Variants in ZNF675 observed in about 807,000 individuals in gnomAD.
The protein encoded by ZNF675 is zinc finger protein 675, also known as TRAF6 inhibitory zinc finger.
In ZNF675, 36 loss-of-function variants were observed where a neutral mutation model predicts 56.1. The ratio of observed to expected loss-of-function variants is 0.64; its 90% CI spans 0.49 to 0.85. ZNF675 has a LOEUF of 0.85. Among genes scored for constraint, ZNF675 ranks in the 40% least tolerant of loss-of-function variants. ZNF675 has a pLI of 0.00. For missense variants in ZNF675, 663 were observed against 654.2 expected (o/e 1.01, Z -0.15); for synonymous variants, 200 against 218.9 (o/e 0.91, Z 0.76).
intron 3 of ZNF675, among the ~76,000 whole-genome samples, chr19:23,658,902 T>C (rs199558142): frequency 9.0e-4 from 5 of 5,552 alleles, no homozygotes; most frequent in Non-Finnish European, 1.9e-3. Context: ...TCTATAGATA[T>C]CTATAGATAG....
intron 1 of ZNF675, among the ~76,000 whole-genome samples, chr19:23,673,878 C>A (rs1292183831): frequency 6.7e-6 from 1 of 150,046 alleles, no homozygotes; most frequent in Non-Finnish European, 1.5e-5. Context: ...TTTTATCCGG[C>A]CCCAGAGAAA....
chr19:23,660,582 G>GA (rs1968062776), intron 3 of ZNF675, among the ~76,000 whole-genome samples: 1 of 151,868 alleles, frequency 6.6e-6, no homozygotes, highest in South Asian at 2.1e-4. Context: ...ATAAAATAGA[G>GA]AAAAAAACTT....
At chr19:23,677,857 C>T (rs1309707167) in intron 1 of ZNF675, among the ~76,000 whole-genome samples, 3 of 151,654 alleles carry the variant, frequency 2.0e-5, no homozygotes, top group Non-Finnish European at 2.9e-5. Flanking sequence ...CAGTGGCTCA[C>T]GCCTGTAATC....
In ZNF675 at chr19:23,654,568, C is replaced by T; in HGVS notation, c.365G>A (p.Cys122Tyr). The T allele has an allele frequency of 6.2e-7, 1 of 1,612,336 alleles. No individual in the cohort carries two copies. Among genetic ancestry groups the T allele is most frequent in the Admixed American group, 1.7e-5 (1 of 59,714 alleles). ...QLKGCKSVDE[C>Y]KLHKGGYNGL... Reference sequence around the variant, plus strand: ...ATTATAACCTCCCTTGTGCAACTTACATTCATCCACACTTTTACAGCCTTT... The same window carrying T: ...ATTATAACCTCCCTTGTGCAACTTATATTCATCCACACTTTTACAGCCTTT... The change falls in exon 4 of 4, where the codon TGT (cysteine) becomes TAT (tyrosine). Residue 122 changes from cysteine to tyrosine, a missense_variant. Cys to Tyr is a radical substitution (Grantham distance 194). Transcript: ENST00000359788.
intron 1 of ZNF675, among the ~76,000 whole-genome samples, chr19:23,680,379 T>C (rs1399133365): frequency 6.6e-6 from 1 of 151,780 alleles, no homozygotes; most frequent in East Asian, 1.9e-4. Flanking sequence ...AGATCATTTC[T>C]TTTGCAGCAA....
chr19:23,664,806 C>T (rs1236125409), intron 1 of ZNF675, among the ~76,000 whole-genome samples: 1 of 151,442 alleles, frequency 6.6e-6, no homozygotes, highest in Non-Finnish European at 1.5e-5. Context: ...CACAAATTAG[C>T]CAGGCATAAT....
In ZNF675 at chr19:23,653,900, A is replaced by C. The variant is rs1186785998; in HGVS notation, c.1033T>G (p.Cys345Gly). Reference sequence around the variant, plus strand: ...GAGGATCGGTTAAAAGCTTTTCCACATTCTTCACATTTGTAGGGTTTTTCT... The same window carrying C: ...GAGGATCGGTTAAAAGCTTTTCCACCTTCTTCACATTTGTAGGGTTTTTCT... ...TGEKPYKCEECGKAFNRSSKL... is the reference protein window; with the variant it reads ...TGEKPYKCEEGGKAFNRSSKL... Residue 345 changes from cysteine (C) to glycine (G), a missense_variant, in exon 4 of 4, where the codon TGT (cysteine) becomes GGT (glycine). Coordinates refer to ENST00000359788, the MANE Select transcript of ZNF675 (RefSeq NM_138330.3). 6 of 1,613,408 alleles carry C rather than the reference A, an allele frequency of 3.7e-6. No homozygotes were observed. The highest frequency in any genetic ancestry group is 1.7e-4 in the Middle Eastern group (1 of 6,056).
chr19:23,673,667 A>G (rs1968254087), intron 1 of ZNF675, among the ~76,000 whole-genome samples: 1 of 151,994 alleles, frequency 6.6e-6, no homozygotes, highest in Non-Finnish European at 1.5e-5. Context: ...TTAAAATAAA[A>G]ATTTTCTGGT....
Position 23,657,371 on chromosome 19 carries a change from G to A in ZNF675, c.227-2665C>T, listed in dbSNP as rs55976437. On this transcript the variant is annotated intron_variant, in intron 3 of 3. Coordinates refer to ENST00000359788, the MANE Select transcript of ZNF675 (RefSeq NM_138330.3). ...TGAATTACCTTCAAATCACAAAAGTGTTTCTCTCACACAAAAGAAATATAT... is the reference window on the plus strand; with the variant it reads ...TGAATTACCTTCAAATCACAAAAGTATTTCTCTCACACAAAAGAAATATAT... Among the ~76,000 whole-genome samples, 579 of 152,292 alleles carry A rather than the reference G, an allele frequency of 3.8e-3. 2 individuals are homozygous for A. The highest frequency in any genetic ancestry group is 0.013 in the African/African-American group (553 of 41,558).
At chr19:23,676,592 T>C (rs1695354516) in intron 1 of ZNF675, among the ~76,000 whole-genome samples, 1 of 151,716 alleles carries the variant, frequency 6.6e-6, no homozygotes, top group Admixed American at 6.6e-5. Context: ...TAAACAGAAC[T>C]ACAGACAAAA....
intron 1 of ZNF675, among the ~76,000 whole-genome samples, chr19:23,678,384 G>A (rs903054100): frequency 2.0e-5 from 3 of 149,998 alleles, no homozygotes; most frequent in African/African-American, 2.5e-5. Context: ...CCAAGTAGCC[G>A]GATTACAGGC....
chr19:23,662,498 G>T (rs1968092437), intron 2 of ZNF675, among the ~76,000 whole-genome samples: 2 of 152,062 alleles, frequency 1.3e-5, no homozygotes, highest in Non-Finnish European at 2.9e-5. Context: ...TAGAGTGAAG[G>T]ACACAGATCA....
intron 3 of ZNF675, among the ~76,000 whole-genome samples, chr19:23,658,913 A>ATC (rs1185907480): frequency 6.9e-6 from 1 of 144,756 alleles, no homozygotes; most frequent in Non-Finnish European, 1.5e-5. Flanking sequence ...CTATAGATAG[A>ATC]TATAGATCTA....
rs145053520 is a variant in ZNF675 at position 23,684,510 on chromosome 19, G to A, written c.3+2521C>T. Among the ~76,000 whole-genome samples, 566 of 152,034 alleles carry A rather than the reference G, an allele frequency of 3.7e-3. 4 individuals are homozygous for A. The highest frequency in any genetic ancestry group is 0.013 in the African/African-American group (537 of 41,468). Reference sequence around the variant, plus strand: ...AAATACAAAATTAGCTGGGCATGGTGGTGCATGCCTGTAATCCCTGCTACT... The same window carrying A: ...AAATACAAAATTAGCTGGGCATGGTAGTGCATGCCTGTAATCCCTGCTACT... On this transcript the variant is annotated intron_variant, in intron 1 of 3. Transcript: ENST00000359788.
chr19:23,669,711 T>G (rs1040850238), intron 1 of ZNF675, among the ~76,000 whole-genome samples: 7 of 151,912 alleles, frequency 4.6e-5, no homozygotes, highest in Non-Finnish European at 1.0e-4. Context: ...AAATTAGTCT[T>G]GCATTGTGGC....
At position 23,663,161 on chromosome 19, in the gene ZNF675, G is replaced by A; in HGVS notation, c.4-3C>T. 6.2e-7 allele frequency: 1 copy of A among 1,604,048 alleles called. No individual in the cohort carries two copies. Among genetic ancestry groups the A allele is most frequent in the South Asian group, 1.1e-5 (1 of 90,010 alleles). Reference sequence around the variant, plus strand: ...ACATCCCTAAATGTCAACAGTCCCTGAAAAACACATACACACAAACATATT... The same window carrying A: ...ACATCCCTAAATGTCAACAGTCCCTAAAAAACACATACACACAAACATATT... On this transcript the variant is annotated splice_region_variant and splice_polypyrimidine_tract_variant and intron_variant, in intron 1 of 3. Transcript: ENST00000359788.
At chr19:23,680,501 G>A (rs1348445287) in intron 1 of ZNF675, among the ~76,000 whole-genome samples, 1 of 151,650 alleles carries the variant, frequency 6.6e-6, no homozygotes, top group Non-Finnish European at 1.5e-5. Context: ...GCTCAGGCCT[G>A]TAATCCCAGC....
At chr19:23,677,681 T>C (rs566035530) in intron 1 of ZNF675, among the ~76,000 whole-genome samples, 9 of 122,062 alleles carry the variant, frequency 7.4e-5, no homozygotes, top group Non-Finnish European at 1.1e-4. Context: ...CACTCCAGCC[T>C]GGGCAACAGA....
At chr19:23,667,731 C>A (rs1427775319) in intron 1 of ZNF675, among the ~76,000 whole-genome samples, 1 of 149,910 alleles carries the variant, frequency 6.7e-6, no homozygotes, top group African/African-American at 2.5e-5. Flanking sequence ...GGAGTGTTTA[C>A]AAACCTTGAG....
Sources: allele counts gnomAD v4.1 joint callset (sites outside exome capture counted in the v4.1 genomes callset), GRCh38; gene constraint gnomAD v4.1.1; transcripts MANE v1.5; gene names NCBI Gene and HGNC (gene_info 2026-07-23, HGNC 2026-07-21).